TRIM55: variants seen among roughly 807,000 people sequenced by gnomAD.
TRIM55 encodes tripartite motif containing 55.
Under a neutral mutation model 60.9 loss-of-function variants are expected in TRIM55, and 50 were observed. The ratio of observed to expected loss-of-function variants is 0.82; its 90% CI spans 0.65 to 1.04. TRIM55 has a LOEUF of 1.04. TRIM55 is among the 50% of genes least tolerant of loss of function. The probability of loss-of-function intolerance (pLI) is 0.00; values close to 1 mark genes in which losing one functional copy is unlikely to be tolerated. For missense variants in TRIM55, 681 were observed against 666.9 expected (o/e 1.02, Z -0.23); for synonymous variants, 237 against 238.1 (o/e 1.00, Z 0.04).
At chr8:66,164,167 T>G (rs1811196853) in intron 9 of TRIM55, among the ~76,000 whole-genome samples, 1 of 152,118 alleles carries the variant, frequency 6.6e-6, no homozygotes, top group Non-Finnish European at 1.5e-5. Flanking sequence ...CTGACAGTCA[T>G]TAAGGCGTTA....
intron 3 of TRIM55, among the ~76,000 whole-genome samples, chr8:66,136,373 G>T (rs1303285638): frequency 6.6e-6 from 1 of 152,058 alleles, no homozygotes; most frequent in Non-Finnish European, 1.5e-5. Flanking sequence ...TCACTGTTCT[G>T]GTCCAATCTT....
intron 9 of TRIM55, among the ~76,000 whole-genome samples, chr8:66,172,078 A>G (rs1441378572): frequency 1.6e-5 from 2 of 123,812 alleles, no homozygotes; most frequent in Non-Finnish European, 3.2e-5. Flanking sequence ...GAAGGAAGGA[A>G]GGAAAGAAGG....
intron 2 of TRIM55, 24 bp downstream of exon 2, chr8:66,128,500 G>A (rs1808958061): frequency 1.2e-6 from 2 of 1,600,600 alleles, no homozygotes; most frequent in African/African-American, 2.7e-5. Context: ...ACTCTTCCAT[G>A]TGTCAAGCCC....
At chr8:66,122,368 C>T (rs1000326838), upstream of TRIM55, among the ~76,000 whole-genome samples, 5 of 152,148 alleles carry the variant, frequency 3.3e-5, no homozygotes, top group South Asian at 2.1e-4. Context: ...CGAATCTTCC[C>T]GCCTTTGCTT....
intron 4 of TRIM55, among the ~76,000 whole-genome samples, chr8:66,144,302 T>C (rs1809986796): frequency 6.6e-6 from 1 of 152,230 alleles, no homozygotes; most frequent in Non-Finnish European, 1.5e-5. Context: ...AGGGATGATC[T>C]TCACTTTATA....
At chr8:66,157,218 G>A (rs1019598829) in intron 9 of TRIM55, among the ~76,000 whole-genome samples, 2 of 152,154 alleles carry the variant, frequency 1.3e-5, no homozygotes, top group African/African-American at 4.8e-5. Flanking sequence ...GGAGGGTGGG[G>A]CAGGTGGAGC....
intron 3 of TRIM55, among the ~76,000 whole-genome samples, chr8:66,135,978 C>T (rs542422314): frequency 6.6e-6 from 1 of 152,212 alleles, no homozygotes; most frequent in Non-Finnish European, 1.5e-5. Context: ...ATCATCAGTT[C>T]CACATTTGAT....
At chr8:66,159,420 G>C (rs954678112) in intron 9 of TRIM55, among the ~76,000 whole-genome samples, 1 of 152,180 alleles carries the variant, frequency 6.6e-6, no homozygotes, top group Non-Finnish European at 1.5e-5. Context: ...TATGCCACTA[G>C]TTATTTATCT....
rs1239572765 is a variant in TRIM55 at position 66,154,694 on chromosome 8, C to T, written c.1524+360C>T. Among the ~76,000 whole-genome samples the T allele has an allele frequency of 2.6e-5, 4 of 152,212 alleles. No homozygotes were observed. The East Asian group carries it at 7.7e-4, about 29-fold the overall frequency. ...CAACGGCCACTTGCCCTTGCTCAGC[C>T]TTCCCTGTGTCCTCCTTGGGCTTCT... On this transcript the variant is annotated intron_variant, in intron 9 of 9. Transcript: ENST00000315962.
intron 9 of TRIM55, among the ~76,000 whole-genome samples, chr8:66,166,522 T>A (rs1053778042): frequency 6.6e-6 from 1 of 152,212 alleles, no homozygotes. Flanking sequence ...CTCCACGAAG[T>A]GAAGAGTTAG....
intron 2 of TRIM55, among the ~76,000 whole-genome samples, chr8:66,130,285 T>C (rs1397205064): frequency 3.3e-5 from 5 of 152,190 alleles, no homozygotes; most frequent in African/African-American, 1.2e-4. Context: ...AAGCTCATAG[T>C]TGAGTGAACT....
chr8:66,162,398 A>G (rs1298723567), intron 9 of TRIM55, among the ~76,000 whole-genome samples: 1 of 151,756 alleles, frequency 6.6e-6, no homozygotes, highest in Admixed American at 6.6e-5. Flanking sequence ...TAAATTTTTA[A>G]TATGCTGTTG....
rs572554703 is a variant in TRIM55, at chr8:66,151,004, T to C, written c.985+538T>C. 2.6e-5 allele frequency among the ~76,000 whole-genome samples: 4 copies of C among 152,300 alleles called. No homozygotes were observed. In the East Asian group the frequency reaches 7.7e-4, roughly 29 times the overall value. On this transcript the variant is annotated intron_variant, in intron 7 of 9. Coordinates refer to ENST00000315962, the MANE Select transcript of TRIM55 (RefSeq NM_184085.2). Reference sequence around the variant, plus strand: ...AATGTCAGGTTGGGTATTTGACTCTTGATAAGCAAATGCTTCATAATTGAT... The same window carrying C: ...AATGTCAGGTTGGGTATTTGACTCTCGATAAGCAAATGCTTCATAATTGAT...
chr8:66,126,925 T>C, upstream of TRIM55: 1 of 197,010 alleles, frequency 5.1e-6, no homozygotes, highest in Non-Finnish European at 1.0e-5. Context: ...AGCTTCGACC[T>C]CCTTCTCCTC....
chr8:66,137,547 A>G (rs184352824), intron 4 of TRIM55, among the ~76,000 whole-genome samples: 2 of 152,348 alleles, frequency 1.3e-5, no homozygotes, highest in Admixed American at 6.5e-5. Flanking sequence ...GGAAATGCTC[A>G]TCGGTGCTTT....
intron 4 of TRIM55, among the ~76,000 whole-genome samples, chr8:66,145,155 G>A (rs1810033143): frequency 6.6e-6 from 1 of 152,194 alleles, no homozygotes; most frequent in African/African-American, 2.4e-5. Context: ...AAGATTAGGG[G>A]ACATCTAAGT....
upstream of TRIM55, among the ~76,000 whole-genome samples, chr8:66,123,019 G>A (rs1808691241): frequency 6.6e-6 from 1 of 152,130 alleles, no homozygotes; most frequent in African/African-American, 2.4e-5. Flanking sequence ...CCTGATCCAG[G>A]AGAGATTTAA....
At chr8:66,167,998 C>T (rs907369893) in intron 9 of TRIM55, among the ~76,000 whole-genome samples, 1 of 152,162 alleles carries the variant, frequency 6.6e-6, no homozygotes, top group Admixed American at 6.5e-5. Flanking sequence ...AATCCTCCTG[C>T]CTCAGCTTGC....
intron 9 of TRIM55, among the ~76,000 whole-genome samples, chr8:66,169,425 T>TA (rs1276932201): frequency 1.3e-5 from 2 of 152,076 alleles, no homozygotes; most frequent in South Asian, 4.1e-4. Context: ...ACTTTGGCTT[T>TA]AAAAAAAATC....
Sources: allele counts gnomAD v4.1 joint callset (sites outside exome capture counted in the v4.1 genomes callset), GRCh38; gene constraint gnomAD v4.1.1; transcripts MANE v1.5; gene names NCBI Gene and HGNC (gene_info 2026-07-23, HGNC 2026-07-21).